The following PARP8 variants were observed in gnomAD, a reference collection of about 807,000 sequenced individuals.
PARP8 encodes protein mono-ADP-ribosyltransferase PARP8.
Under a neutral mutation model 124.1 loss-of-function variants are expected in PARP8, and 51 were observed. The ratio of observed to expected loss-of-function variants is 0.41; its 90% CI spans 0.33 to 0.52. The LOEUF (loss-of-function observed/expected upper bound fraction) is 0.52, where lower values mean the gene tolerates loss of function less well. PARP8 is among the 20% of genes least tolerant of loss of function. The pLI, the probability that PARP8 is intolerant of heterozygous loss-of-function variation, is 0.21. For synonymous variants in PARP8, 391 were observed against 361.5 expected, an observed-to-expected ratio of 1.08 and a Z score of -0.93; for missense variants, 860 against 1,018.9, an observed-to-expected ratio of 0.84 and a Z score of 2.12.
chr5:50,717,035 A>G (rs1430955700), intron 2 of PARP8, among the ~76,000 whole-genome samples: 1 of 152,114 alleles, frequency 6.6e-6, no homozygotes, highest in Non-Finnish European at 1.5e-5. Context: ...AAGAATCTGT[A>G]GAGCATATTA....
At chr5:50,674,005 T>C (rs1750334429) in intron 2 of PARP8, among the ~76,000 whole-genome samples, 1 of 152,244 alleles carries the variant, frequency 6.6e-6, no homozygotes. Flanking sequence ...AATCAACTTA[T>C]TGCCTTGTAA....
Position 50,713,234 on chromosome 5 carries a change from ATAT to A in PARP8, c.147-36897_147-36895del, listed in dbSNP as rs142928023. Among the ~76,000 whole-genome samples the A allele has an allele frequency of 9.6e-3, 1,446 of 151,352 alleles. 31 individuals are homozygous for A. Among genetic ancestry groups the A allele is most frequent in the African/African-American group, 0.033 (1,372 of 41,282 alleles). On this transcript the variant is annotated intron_variant, in intron 2 of 25. Transcript: ENST00000281631. ...ATATTGAGTGCTCAATAAACTTTAG[ATAT>A]TATTATTATTATTATTATTTTGAGA...
intron 14 of PARP8, among the ~76,000 whole-genome samples, chr5:50,802,171 T>G (rs1206300947): frequency 6.6e-6 from 1 of 152,208 alleles, no homozygotes; most frequent in Non-Finnish European, 1.5e-5. Context: ...CCTTACTGCC[T>G]TCTTTTGTGT....
At chr5:50,714,678 G>A (rs1250678500) in intron 2 of PARP8, among the ~76,000 whole-genome samples, 6 of 152,142 alleles carry the variant, frequency 3.9e-5, no homozygotes, top group African/African-American at 1.2e-4. Flanking sequence ...GGTGCCCACA[G>A]GGCTGTGGAC....
chr5:50,768,323 T>C (rs1300001087), intron 7 of PARP8, among the ~76,000 whole-genome samples: 3 of 151,774 alleles, frequency 2.0e-5, no homozygotes, highest in Non-Finnish European at 4.4e-5. Flanking sequence ...TCCATATTCA[T>C]TGAAAAAAAA....
At position 50,736,029 on chromosome 5, in the gene PARP8, G is replaced by C. The variant is rs1355647270; in HGVS notation, c.147-14122G>C. On this transcript the variant is annotated intron_variant, in intron 2 of 25. Coordinates refer to ENST00000281631, the MANE Select transcript of PARP8 (RefSeq NM_024615.4). ...ATTTATGTTTTGAATTAAATCTAGT[G>C]GTGTCCCCCTGTAAATATGTTGGAT... Among the ~76,000 whole-genome samples, 5 of 145,488 alleles carry C rather than the reference G, an allele frequency of 3.4e-5. No individual in the cohort carries two copies. In the East Asian group the frequency reaches 6.1e-4, roughly 18 times the overall value.
At position 50,822,340 on chromosome 5, in the gene PARP8, G is replaced by A. The variant is rs945097363; in HGVS notation, c.1800G>A (p.Lys600=). The change falls in exon 17 of 26, where the codon AAG becomes AAA. Residue 600 remains lysine, a synonymous_variant. Coordinates refer to ENST00000281631, the MANE Select transcript of PARP8 (RefSeq NM_024615.4). ...ATCACTTTTTCATTAAACAGAAAAA[G>A]AACTATGATCGAGTAATGAAAGCAC... is the stretch of plus-strand genomic sequence containing the variant. ...PQMLAFNPRK[K]NYDRVMKALD... 1.9e-6 allele frequency: 3 copies of A among 1,609,398 alleles called. No homozygotes were observed. Among genetic ancestry groups the A allele is most frequent in the Admixed American group, 3.4e-5 (2 of 59,618 alleles).
At chr5:50,715,102 A>G (rs911930236) in intron 2 of PARP8, among the ~76,000 whole-genome samples, 5 of 152,074 alleles carry the variant, frequency 3.3e-5, no homozygotes, top group South Asian at 2.1e-4. Flanking sequence ...CTCAAGCAGC[A>G]TATCAATTTT....
chr5:50,754,565 T>G (rs1759697128), intron 3 of PARP8, among the ~76,000 whole-genome samples: 1 of 152,214 alleles, frequency 6.6e-6, no homozygotes, highest in Admixed American at 6.5e-5. Context: ...TGCCACATTT[T>G]CTTAATCCAG....
chr5:50,841,563 G>GA (rs1227763969), intron 25 of PARP8, among the ~76,000 whole-genome samples: 1 of 151,788 alleles, frequency 6.6e-6, no homozygotes, highest in Non-Finnish European at 1.5e-5. Flanking sequence ...TCTTCAGTCA[G>GA]AAAATAAAGA....
At chr5:50,777,518 C>G (rs1282869107) in intron 7 of PARP8, among the ~76,000 whole-genome samples, 1 of 151,814 alleles carries the variant, frequency 6.6e-6, no homozygotes, top group African/African-American at 2.4e-5. Flanking sequence ...ATAATTCCTT[C>G]CTGTAGAATA....
At chr5:50,837,511 T>C (rs1343107479) in intron 25 of PARP8, among the ~76,000 whole-genome samples, 3 of 152,164 alleles carry the variant, frequency 2.0e-5, no homozygotes, top group African/African-American at 7.2e-5. Flanking sequence ...ATACATTATG[T>C]GATCCTGGAT....
rs1742486451 is a variant in PARP8 at position 50,795,891 on chromosome 5, G to A, written c.1428+474G>A. On this transcript the variant is annotated intron_variant, in intron 12 of 25. Coordinates refer to ENST00000281631, the MANE Select transcript of PARP8 (RefSeq NM_024615.4). ...TGCATGTTTTTACCTGTGGAGAGAGGCAACATTTACCACTTTATCCCAGAG... is the reference window on the plus strand; with the variant it reads ...TGCATGTTTTTACCTGTGGAGAGAGACAACATTTACCACTTTATCCCAGAG... Among the ~76,000 whole-genome samples, 5 of 152,130 alleles carry A rather than the reference G, an allele frequency of 3.3e-5. No individual in the cohort carries two copies. The South Asian group carries it at 1.0e-3, about 32-fold the overall frequency.
intron 5 of PARP8, among the ~76,000 whole-genome samples, chr5:50,760,927 C>A (rs1760481472): frequency 6.6e-6 from 1 of 152,110 alleles, no homozygotes; most frequent in African/African-American, 2.4e-5. Context: ...TTGATCCAAT[C>A]CTCCTCTTCC....
At chr5:50,818,281 G>T (rs150349922) in intron 15 of PARP8, among the ~76,000 whole-genome samples, 2 of 147,440 alleles carry the variant, frequency 1.4e-5, no homozygotes, top group Non-Finnish European at 3.0e-5. Context: ...CCAGGCCAGA[G>T]TGCATTGGTG....
At chr5:50,680,764 A>G (rs2149445226) in intron 2 of PARP8, among the ~76,000 whole-genome samples, 1 of 152,298 alleles carries the variant, frequency 6.6e-6, no homozygotes, top group East Asian at 1.9e-4. Flanking sequence ...GTGGTAAGAA[A>G]GAGGACAGAA....
In PARP8 at chr5:50,731,703, TA is replaced by T. The variant is rs535021456; in HGVS notation, c.147-18446del. ...TACTATACTCAGTTATGCATTTGCT[TA>T]ATTACAGAACTTAGTCTCATGAGTA... On this transcript the variant is annotated intron_variant, in intron 2 of 25. Coordinates refer to ENST00000281631, the MANE Select transcript of PARP8 (RefSeq NM_024615.4). 4.6e-5 allele frequency among the ~76,000 whole-genome samples: 7 copies of T among 152,328 alleles called. No homozygotes were observed. In the South Asian group the frequency reaches 1.4e-3, roughly 32 times the overall value.
chr5:50,739,404 G>A (rs1164753193), intron 2 of PARP8, among the ~76,000 whole-genome samples: 1 of 151,824 alleles, frequency 6.6e-6, no homozygotes, highest in African/African-American at 2.4e-5. Flanking sequence ...GGATGGGGGT[G>A]GGGAGGGAGT....
At chr5:50,747,154 G>GTTT (rs370243477) in intron 2 of PARP8, among the ~76,000 whole-genome samples, 19 of 121,892 alleles carry the variant, frequency 1.6e-4, no homozygotes, top group Non-Finnish European at 2.4e-4. Context: ...TTTTTTGTTT[G>GTTT]TTTGTTTTGT....
Sources: gnomAD v4.1 joint callset for allele counts (sites outside exome capture counted in the v4.1 genomes callset) on GRCh38, gnomAD v4.1.1 for gene constraint, MANE v1.5 for transcripts, NCBI Gene and HGNC (gene_info 2026-07-23, HGNC 2026-07-21) for gene names.